Variants in TBC1D1 observed in about 807,000 individuals in gnomAD.
TBC1D1 encodes the protein TBC1 (tre-2/USP6, BUB2, cdc16) domain family, member 1.
TBC1D1 carries 89 observed loss-of-function variants against 125.6 expected under a neutral mutation model. The ratio of observed to expected loss-of-function variants is 0.71; its 90% CI spans 0.60 to 0.85. The LOEUF is 0.85. Among genes scored for constraint, TBC1D1 ranks in the 40% least tolerant of loss-of-function variants. TBC1D1 has a pLI of 0.00. For synonymous variants in TBC1D1, 565 were observed against 564.1 expected (o/e 1.00, Z -0.02); for missense variants, 1,377 against 1,469.2 (o/e 0.94, Z 1.03).
rs537966153 is a variant in TBC1D1 at position 37,998,436 on chromosome 4, G to A, written c.418-16073G>A. Among the ~76,000 whole-genome samples the A allele has an allele frequency of 3.3e-5, 5 of 152,326 alleles. No homozygotes were observed. In the South Asian group the frequency reaches 1.0e-3, roughly 32 times the overall value. ...CCAAGTCCCCACCTCGCAGTCCTCAGCTGTCTCAGTCTCAGCTGTTTGCTG... is the reference window on the plus strand; with the variant it reads ...CCAAGTCCCCACCTCGCAGTCCTCAACTGTCTCAGTCTCAGCTGTTTGCTG... On this transcript the variant is annotated intron_variant, in intron 2 of 19. Coordinates refer to ENST00000261439, the MANE Select transcript of TBC1D1 (RefSeq NM_015173.4).
At position 38,060,632 on chromosome 4, in the gene TBC1D1, G is replaced by A. The variant is rs1265426515; in HGVS notation, c.2050+6294G>A. 10 of 1,289,146 alleles carry A rather than the reference G, an allele frequency of 7.8e-6. No homozygotes were observed. In the South Asian group the frequency reaches 1.2e-4, roughly 16 times the overall value. The allele number at this position is 1,289,146 out of a possible 1,614,324, so 79.9% of individuals were successfully genotyped here. A position where few individuals can be genotyped will look rare whatever the true frequency, so the allele number is the denominator to read the frequency against. On this transcript the variant is annotated intron_variant, in intron 12 of 19. Transcript: ENST00000261439. ...CTCTCTTTTTCAGAACCTCACTGTG[G>A]ATCGCCATCGTTGGCCTGTACTGAA...
At chr4:37,993,419 T>G (rs750054238) in intron 2 of TBC1D1, among the ~76,000 whole-genome samples, 2 of 152,138 alleles carry the variant, frequency 1.3e-5, no homozygotes, top group African/African-American at 2.4e-5. Context: ...AAGCCTTGCT[T>G]TTGAAAATGT....
intron 2 of TBC1D1, among the ~76,000 whole-genome samples, chr4:37,906,014 C>T (rs1717231424): frequency 1.3e-5 from 2 of 152,166 alleles, no homozygotes; most frequent in African/African-American, 4.8e-5. Flanking sequence ...GCTGAACCAG[C>T]AGAGATGTCT....
At chr4:38,115,596 A>G (rs773102327) in intron 15 of TBC1D1, 114 bp from the exon 18 acceptor site, 2 of 1,110,756 alleles carry the variant, frequency 1.8e-6, no homozygotes, top group Non-Finnish European at 2.6e-6. Context: ...GATTGATATT[A>G]TGATCCAGCT....
intron 14 of TBC1D1, among the ~76,000 whole-genome samples, chr4:38,101,255 A>G (rs1006895197): frequency 2.6e-5 from 4 of 152,172 alleles, no homozygotes; most frequent in Non-Finnish European, 5.9e-5. Context: ...GCAGGGTACA[A>G]AGCGGCCACT....
rs1287328639 is a variant in TBC1D1 at position 38,004,409 on chromosome 4, T to TA, written c.418-10099dup. 2.6e-5 allele frequency among the ~76,000 whole-genome samples: 4 copies of TA among 152,344 alleles called. No homozygotes were observed. The South Asian group carries it at 8.3e-4, about 32-fold the overall frequency. The stretch of plus-strand genomic sequence containing the variant: ...AATGCAATTAGCAGTCCTGGCAGTT[T>TA]ATGCAAAGGTTGGGATTTATACTCG... On this transcript the variant is annotated intron_variant, in intron 2 of 19. Coordinates refer to ENST00000261439, the MANE Select transcript of TBC1D1 (RefSeq NM_015173.4).
At chr4:37,901,354 A>C (rs1263324210) in intron 1 of TBC1D1, among the ~76,000 whole-genome samples, 1 of 151,772 alleles carries the variant, frequency 6.6e-6, no homozygotes, top group African/African-American at 2.4e-5. Flanking sequence ...ACGGGGTTTC[A>C]CCATGTTGGC....
chr4:37,983,591 C>G (rs1471059714), intron 2 of TBC1D1, among the ~76,000 whole-genome samples: 1 of 152,164 alleles, frequency 6.6e-6, no homozygotes, highest in Non-Finnish European at 1.5e-5. Context: ...CATATAGCCC[C>G]TGTCCCCACT....
intron 17 of TBC1D1, among the ~76,000 whole-genome samples, chr4:38,119,786 G>A (rs1314755744): frequency 2.0e-5 from 3 of 152,194 alleles, no homozygotes; most frequent in African/African-American, 7.2e-5. Context: ...TTTGTTAATG[G>A]TTTGTAAACA....
At chr4:38,060,644 T>C in intron 12 of TBC1D1, 1 of 1,289,254 alleles carries the variant, frequency 7.8e-7, no homozygotes, top group Non-Finnish European at 1.0e-6. Flanking sequence ...TCGCCATCGT[T>C]GGCCTGTACT....
chr4:38,038,724 G>T (rs1248277531), intron 8 of TBC1D1, among the ~76,000 whole-genome samples: 1 of 152,104 alleles, frequency 6.6e-6, no homozygotes, highest in Admixed American at 6.5e-5. Flanking sequence ...GAGGTGGGCG[G>T]ATCATGAGGT....
chr4:37,940,453 A>G (rs889829020), intron 2 of TBC1D1, among the ~76,000 whole-genome samples: 3 of 152,218 alleles, frequency 2.0e-5, no homozygotes, highest in Admixed American at 1.3e-4. Context: ...TAGATATACA[A>G]TCATGTCATC....
In TBC1D1 at chr4:37,977,669, G is replaced by T. The variant is rs984724565; in HGVS notation, c.418-36840G>T. 70 of 163,102 alleles carry T rather than the reference G, an allele frequency of 4.3e-4. No homozygotes were observed. The highest frequency in any genetic ancestry group is 1.2e-4 in the Non-Finnish European group (9 of 76,710). 10.1% of individuals were successfully genotyped at this position (163,102 alleles called of 1,614,324 possible). A position where few individuals can be genotyped will look rare whatever the true frequency, so the allele number is the denominator to read the frequency against. ...GGGGGCGAGCGGCGGGCGCGACCAGGTCGTTAGCCGCGCGTTTCTCATTCA... is the reference window on the plus strand; with the variant it reads ...GGGGGCGAGCGGCGGGCGCGACCAGTTCGTTAGCCGCGCGTTTCTCATTCA... On this transcript the variant is annotated intron_variant, in intron 2 of 19. Transcript: ENST00000261439. The surrounding 1 kb of genome is among the most constrained non-coding windows in gnomAD (Gnocchi z 4.3).
At chr4:38,017,996 T>C (rs905511144) in intron 3 of TBC1D1, among the ~76,000 whole-genome samples, 4 of 152,242 alleles carry the variant, frequency 2.6e-5, no homozygotes, top group Non-Finnish European at 5.9e-5. Flanking sequence ...AAAAGACTTG[T>C]CAGTAAAAAT....
rs560983651 is a variant in TBC1D1 at position 37,935,643 on chromosome 4, G to A, written c.417+33131G>A. ...TCCCTCTCCAATTCACTCCACCAGC[G>A]TCCAGAGCGATCTTTCTAATTTGCA... On this transcript the variant is annotated intron_variant, in intron 2 of 19. Coordinates refer to ENST00000261439, the MANE Select transcript of TBC1D1 (RefSeq NM_015173.4). Among the ~76,000 whole-genome samples the A allele has an allele frequency of 5.9e-5, 9 of 152,158 alleles. 1 individual carries two copies. The highest frequency in any genetic ancestry group is 1.9e-4 in the African/African-American group (8 of 41,526).
rs1000618069 is a variant in TBC1D1 at position 38,082,704 on chromosome 4, G to A, written c.2051-7228G>A. ...ACCAGCCGCCCATCACTGGGGCTGCGCAGAGCTCTTGGTGCTCTGTGCCCT... is the reference window on the plus strand; with the variant it reads ...ACCAGCCGCCCATCACTGGGGCTGCACAGAGCTCTTGGTGCTCTGTGCCCT... On this transcript the variant is annotated intron_variant, in intron 12 of 19. Transcript: ENST00000261439. 5.3e-5 allele frequency among the ~76,000 whole-genome samples: 8 copies of A among 152,296 alleles called. 1 individual carries two copies. The highest frequency in any genetic ancestry group is 1.4e-4 in the African/African-American group (6 of 41,548).
intron 2 of TBC1D1, among the ~76,000 whole-genome samples, chr4:37,945,467 C>T (rs558891730): frequency 1.3e-3 from 158 of 122,592 alleles, no homozygotes; most frequent in African/African-American, 4.8e-3. Flanking sequence ...GAGCCAAGAT[C>T]ACACCATTGC....
chr4:37,920,787 T>C (rs1278184732), intron 2 of TBC1D1, among the ~76,000 whole-genome samples: 1 of 152,128 alleles, frequency 6.6e-6, no homozygotes, highest in African/African-American at 2.4e-5. Flanking sequence ...TGGGACCGCA[T>C]TGTCCCAAAA....
intron 7 of TBC1D1, among the ~76,000 whole-genome samples, chr4:38,034,581 T>C (rs1237144596): frequency 6.6e-6 from 1 of 152,208 alleles, no homozygotes; most frequent in Non-Finnish European, 1.5e-5. Context: ...GCTTCCTTAG[T>C]TAGCTGGGGA....
Sources: allele counts gnomAD v4.1 joint callset (sites outside exome capture counted in the v4.1 genomes callset), GRCh38; gene constraint gnomAD v4.1.1; non-coding constraint Gnocchi (gnomAD v3.1); transcripts MANE v1.5; gene names NCBI Gene and HGNC (gene_info 2026-07-23, HGNC 2026-07-21).